The following DENND4A variants were observed in gnomAD, a reference collection of about 807,000 sequenced individuals.
DENND4A encodes the protein C-myc promoter-binding protein.
A neutral mutation model predicts 199.3 loss-of-function variants in DENND4A; 70 were observed. The observed-to-expected ratio is 0.35, with a 90% CI of 0.29 to 0.43. DENND4A has a LOEUF of 0.43. DENND4A is among the 20% of genes least tolerant of loss of function. The pLI is 1.00. For synonymous variants in DENND4A, 686 were observed against 766.9 expected (o/e 0.89, Z 1.74); for missense variants, 1,723 against 2,255.8 (o/e 0.76, Z 4.78).
chr15:65,771,763 C>T lies in DENND4A; in HGVS notation c.-101-10325G>A, dbSNP rs539962774. The T allele has an allele frequency of 2.1e-5, 34 of 1,612,718 alleles. No homozygotes were observed. The African/African-American group carries it at 3.6e-4, about 17-fold the overall frequency. ...AAAACCTCTATGGAAATTAAATCTG[C>T]CATTGTTTTGGTGGTTACATGCTTG... On this transcript the variant is annotated intron_variant, in intron 1 of 32. Transcript: ENST00000443035.
At chr15:65,750,641 A>C (rs980180707) in intron 4 of DENND4A, among the ~76,000 whole-genome samples, 1 of 152,216 alleles carries the variant, frequency 6.6e-6, no homozygotes, top group African/African-American at 2.4e-5. Flanking sequence ...TGGAAGTAGG[A>C]ACAAGAACCT....
chr15:65,770,951 A>C (rs534443480), intron 1 of DENND4A, among the ~76,000 whole-genome samples: 4 of 152,338 alleles, frequency 2.6e-5, no homozygotes, highest in Admixed American at 2.6e-4. Flanking sequence ...GCAAGCTTTT[A>C]AAATGAAAAT....
intron 23 of DENND4A, among the ~76,000 whole-genome samples, chr15:65,677,806 T>C (rs940291644): frequency 6.6e-6 from 1 of 152,196 alleles, no homozygotes; most frequent in African/African-American, 2.4e-5. Flanking sequence ...GTTTTATTTC[T>C]GGACTTTTCT....
At chr15:65,713,319 G>C (rs1356952416) in intron 14 of DENND4A, among the ~76,000 whole-genome samples, 1 of 152,020 alleles carries the variant, frequency 6.6e-6, no homozygotes, top group Admixed American at 6.5e-5. Context: ...TATGTGTTTG[G>C]TATTTCCTTG....
intron 23 of DENND4A, among the ~76,000 whole-genome samples, chr15:65,682,271 T>C (rs1417038035): frequency 1.3e-5 from 2 of 152,210 alleles, no homozygotes; most frequent in Admixed American, 6.5e-5. Flanking sequence ...TTGTTTAGTA[T>C]AGCCACCTTC....
chr15:65,666,124 C>A (rs2076028657), intron 29 of DENND4A, among the ~76,000 whole-genome samples: 1 of 152,176 alleles, frequency 6.6e-6, no homozygotes, highest in Non-Finnish European at 1.5e-5. Flanking sequence ...TCCAAGACCT[C>A]CAATGGATAC....
chr15:65,771,890 C>A, intron 1 of DENND4A: 2 of 1,611,760 alleles, frequency 1.2e-6, no homozygotes, highest in Non-Finnish European at 1.7e-6. Flanking sequence ...GCTCCAGGTG[C>A]ATGGTTTTTG....
In DENND4A at chr15:65,697,399, AT is replaced by A; in HGVS notation, c.2834-17del. The A allele has an allele frequency of 6.6e-7, 1 of 1,504,892 alleles. No homozygotes were observed. Among genetic ancestry groups the A allele is most frequent in the Non-Finnish European group, 9.2e-7 (1 of 1,092,588 alleles). 93.2% of individuals were successfully genotyped at this position (1,504,892 alleles called of 1,614,324 possible). ...GACTGGCCACCTGGTAAAAACAAAA[AT>A]AAACAAAACTCTATTAGAAACTTCT... On this transcript the variant is annotated splice_polypyrimidine_tract_variant and intron_variant, in intron 20 of 32. Transcript: ENST00000443035.
rs184909348 is a variant in DENND4A, at chr15:65,661,617, C to A, written c.*234G>T. On this transcript the variant is annotated 3_prime_UTR_variant, in exon 33 of 33. Transcript: ENST00000443035. ...TCCTCATCACAAAAATACTTTATTT[C>A]CTATTACAGGGGAGTTAAAGAAGAA... 620 of 330,360 alleles carry A rather than the reference C, an allele frequency of 1.9e-3. 4 individuals carry two copies. Among genetic ancestry groups the A allele is most frequent in the Admixed American group, 0.013 (273 of 21,618 alleles). 20.5% of individuals were successfully genotyped at this position (330,360 alleles called of 1,614,324 possible).
intron 15 of DENND4A, 134 bp from the exon 16 acceptor site, chr15:65,703,142 T>A (rs2074933646): frequency 1.3e-6 from 1 of 775,002 alleles, no homozygotes; most frequent in Non-Finnish European, 2.0e-6. Context: ...TTTGTCAGGC[T>A]GTGATATACA....
chr15:65,697,327 C>G lies in DENND4A; in HGVS notation c.2890G>C (p.Asp964His). 6.2e-7 allele frequency: 1 copy of G among 1,608,786 alleles called. No homozygotes were observed. ...SLSKDEVRRG[D>H]TSTEDIQEEK... ...TCTTGAATGTCTTCAGTAGATGTAT[C>G]CCCTCTTCTAACTTCATCTTTAGAT... The change falls in exon 21 of 33, where the codon GAT becomes CAT. Residue 964 changes from aspartate (D) to histidine (H), a missense_variant. Physicochemically the swap from Asp to His is moderately conservative, Grantham distance 81. This residue lies in a region of DENND4A where 650 missense variants were observed against 738.1 expected (regional missense o/e 0.88). Transcript: ENST00000443035.
chr15:65,705,993 G>T, intron 15 of DENND4A, 98 bp downstream of exon 15: 1 of 1,377,106 alleles, frequency 7.3e-7, no homozygotes. Context: ...GATCTGTAAA[G>T]TTTGGATTTT....
rs891771131 is a variant in DENND4A at position 65,700,685 on chromosome 15, A to G, written c.2702-10T>C. 1.5e-5 allele frequency: 23 copies of G among 1,523,048 alleles called. No homozygotes were observed. In the Admixed American group the frequency reaches 1.9e-4, roughly 12 times the overall value. The allele number at this position is 1,523,048 out of a possible 1,614,324, so 94.3% of individuals were successfully genotyped here. On this transcript the variant is annotated splice_polypyrimidine_tract_variant and intron_variant, in intron 19 of 32. Transcript: ENST00000443035. The stretch of plus-strand genomic sequence containing the variant: ...AGGTCACTGCCATCTGCTTAAGAAC[A>G]CAATTTGACAGCATTTTACTACTCG...
chr15:65,743,321 C>T (rs1177672903), intron 4 of DENND4A, among the ~76,000 whole-genome samples: 2 of 152,202 alleles, frequency 1.3e-5, no homozygotes, highest in African/African-American at 4.8e-5. Flanking sequence ...TTAAGACACA[C>T]CATTTTCCTT....
At chr15:65,790,428 G>A (rs956294423) in intron 1 of DENND4A, among the ~76,000 whole-genome samples, 3 of 152,176 alleles carry the variant, frequency 2.0e-5, no homozygotes, top group African/African-American at 7.2e-5. Context: ...TTCTCAGCAA[G>A]TACACTGTTA....
rs869202537 is a variant in DENND4A, at chr15:65,788,081, A to AT, written c.-102+3928dup. Among the ~76,000 whole-genome samples, 1,006 of 148,464 alleles carry AT rather than the reference A, an allele frequency of 6.8e-3. 8 individuals are homozygous for AT. Among genetic ancestry groups the AT allele is most frequent in the African/African-American group, 0.022 (880 of 40,654 alleles). On this transcript the variant is annotated intron_variant, in intron 1 of 32. Coordinates refer to ENST00000443035, the MANE Select transcript of DENND4A (RefSeq NM_001320835.1). ...GTTAGTGCTGGTTATTTATTTATTT[A>AT]TTTTTTTTTTTTTGAGACAGAGTCT...
At chr15:65,688,325 T>C (rs1022349173) in intron 23 of DENND4A, among the ~76,000 whole-genome samples, 1 of 152,226 alleles carries the variant, frequency 6.6e-6, no homozygotes, top group Non-Finnish European at 1.5e-5. Context: ...TTTTCCCTGA[T>C]ACTTCCAACA....
chr15:65,715,044 A>C (rs759875468), intron 14 of DENND4A: 3 of 156,036 alleles, frequency 1.9e-5, no homozygotes, highest in Non-Finnish European at 4.2e-5. Flanking sequence ...AGAACTAATT[A>C]ATTTAAGCTA....
At chr15:65,664,539 T>G in intron 31 of DENND4A, 21 bp downstream of exon 31, 1 of 1,603,274 alleles carries the variant, frequency 6.2e-7, no homozygotes, top group Non-Finnish European at 8.5e-7. Context: ...AACAATATAT[T>G]CGTCTAAGAG....
Sources: gnomAD v4.1 joint callset for allele counts (sites outside exome capture counted in the v4.1 genomes callset) on GRCh38, gnomAD v4.1.1 for gene constraint, gnomAD v4.1.1 regional missense constraint, MANE v1.5 for transcripts, NCBI Gene and HGNC (gene_info 2026-07-23, HGNC 2026-07-21) for gene names.